Variants in PHF3 observed in about 807,000 individuals in gnomAD.
The protein encoded by PHF3 is PHD finger protein 3.
In PHF3, 41 loss-of-function variants were observed where a neutral mutation model predicts 178.4. The ratio of observed to expected loss-of-function variants is 0.23; its 90% confidence interval spans 0.18 to 0.30. The LOEUF (loss-of-function observed/expected upper bound fraction) is 0.30, where lower values mean the gene tolerates loss of function less well. PHF3 is among the 10% of genes least tolerant of loss of function. The pLI is 1.00. For synonymous variants in PHF3, 842 were observed against 800.5 expected, an observed-to-expected ratio of 1.05 and a Z score of -0.88; for missense variants, 2,346 against 2,398.1, an observed-to-expected ratio of 0.98 and a Z score of 0.45.
intron 2 of PHF3, among the ~76,000 whole-genome samples, chr6:63,659,070 C>T (rs954929414): frequency 6.6e-6 from 1 of 152,074 alleles, no homozygotes; most frequent in Non-Finnish European, 1.5e-5. Context: ...ACTTTCACAG[C>T]AGCATTTAGA....
intron 2 of PHF3, among the ~76,000 whole-genome samples, chr6:63,649,197 G>A (rs1002787073): frequency 6.6e-6 from 1 of 151,972 alleles, no homozygotes; most frequent in African/African-American, 2.4e-5. Context: ...TCCGGCCTAT[G>A]TCTCACAGAG....
chr6:63,671,079 G>T (rs1281799286), intron 2 of PHF3, among the ~76,000 whole-genome samples: 1 of 151,326 alleles, frequency 6.6e-6, no homozygotes, highest in Non-Finnish European at 1.5e-5. Context: ...ATAATAATGA[G>T]ATCCATATTA....
chr6:63,658,347 T>C (rs1437048398), intron 2 of PHF3, among the ~76,000 whole-genome samples: 1 of 152,196 alleles, frequency 6.6e-6, no homozygotes, highest in African/African-American at 2.4e-5. Context: ...TTGCTTTTGG[T>C]CTTCTTTTTA....
At chr6:63,683,091 C>G (rs1334177897) in intron 3 of PHF3, among the ~76,000 whole-genome samples, 1 of 151,984 alleles carries the variant, frequency 6.6e-6, no homozygotes, top group East Asian at 1.9e-4. Flanking sequence ...TAACCTAATA[C>G]TCAGATACTT....
At chr6:63,668,809 A>G (rs1457953143) in intron 2 of PHF3, among the ~76,000 whole-genome samples, 1 of 152,136 alleles carries the variant, frequency 6.6e-6, no homozygotes, top group Non-Finnish European at 1.5e-5. Context: ...TGTTACTGTT[A>G]TAGAGGCAGA....
intron 2 of PHF3, among the ~76,000 whole-genome samples, chr6:63,648,582 T>C (rs961616798): frequency 6.6e-6 from 1 of 152,220 alleles, no homozygotes; most frequent in African/African-American, 2.4e-5. Flanking sequence ...TTTTTATTAA[T>C]GTGAAAAATC....
At chr6:63,645,003 C>A (rs946168065) in intron 1 of PHF3, among the ~76,000 whole-genome samples, 1 of 151,950 alleles carries the variant, frequency 6.6e-6, no homozygotes, top group African/African-American at 2.4e-5. Context: ...AACTCAGCCG[C>A]CCGAGTGACT....
chr6:63,686,760 GTATAT>G (rs1372905241), intron 4 of PHF3, among the ~76,000 whole-genome samples: 1 of 152,170 alleles, frequency 6.6e-6, no homozygotes, highest in Non-Finnish European at 1.5e-5. Flanking sequence ...ATTATAATTT[GTATAT>G]TATATTCTTC....
At chr6:63,637,491 C>A (rs918450064) in intron 1 of PHF3, among the ~76,000 whole-genome samples, 1 of 152,176 alleles carries the variant, frequency 6.6e-6, no homozygotes, top group Non-Finnish European at 1.5e-5. Flanking sequence ...TAGCTCCCTT[C>A]CACAGCACAA....
chr6:63,706,720 A>G lies in PHF3; in HGVS notation c.3564-9A>G. ...GCTTGTCTTTAGGCTTTTTAATGTC[A>G]TTTTCTAGTCCAGAGATGCCTGGAA... On this transcript the variant is annotated splice_polypyrimidine_tract_variant and intron_variant, in intron 12 of 15. Coordinates refer to ENST00000262043, the MANE Select transcript of PHF3 (RefSeq NM_001370348.2). 3 of 1,611,596 alleles carry G rather than the reference A, an allele frequency of 1.9e-6. No homozygotes were observed. Among genetic ancestry groups the G allele is most frequent in the South Asian group, 1.1e-5 (1 of 90,612 alleles).
intron 8 of PHF3, among the ~76,000 whole-genome samples, chr6:63,698,996 C>T (rs1767356447): frequency 6.6e-6 from 1 of 151,964 alleles, no homozygotes; most frequent in African/African-American, 2.4e-5. Context: ...AGTAAAAATG[C>T]TTTTAAATTG....
At chr6:63,637,522 ATTG>A (rs1764394835) in intron 1 of PHF3, among the ~76,000 whole-genome samples, 1 of 152,196 alleles carries the variant, frequency 6.6e-6, no homozygotes. Flanking sequence ...TGTAAAGATT[ATTG>A]TTATTTTAAA....
intron 2 of PHF3, among the ~76,000 whole-genome samples, chr6:63,668,958 C>T (rs1203191976): frequency 6.6e-6 from 1 of 152,024 alleles, no homozygotes; most frequent in East Asian, 1.9e-4. Context: ...TTCAAAAAAG[C>T]ATGTGAAATA....
Position 63,698,226 on chromosome 6 carries a change from C to T in PHF3, c.2684C>T (p.Thr895Ile). 20 of 1,606,606 alleles carry T rather than the reference C, an allele frequency of 1.2e-5. No homozygotes were observed. Among genetic ancestry groups the T allele is most frequent in the Non-Finnish European group, 1.7e-5 (20 of 1,175,458 alleles). Residue 895 changes from threonine (T) to isoleucine (I), a missense_variant, in exon 7 of 16, where the codon ACT (threonine) becomes ATT (isoleucine). By Grantham distance (89) the Thr-to-Ile change is moderately conservative. Around this residue, in one of 8 missense-constraint regions of PHF3, gnomAD observed 252 missense variants for 232.0 expected, o/e 1.09. Coordinates refer to ENST00000262043, the MANE Select transcript of PHF3 (RefSeq NM_001370348.2). ...TTTCGATATTTATTCAAATTAGGTA[C>T]TCATGAGAAGCAAGAGATGAAAAAG... ...CTGEKASKPGTHEKQEMKKKK... is the reference protein window; with the variant it reads ...CTGEKASKPGIHEKQEMKKKK...
chr6:63,706,843 T>A lies in PHF3; in HGVS notation c.3678T>A (p.Tyr1226Ter). ...PSVAKFVTKA[Y>*]PVSGSPEYLT... ...TGGCAAAATTTGTTACCAAAGCCTA[T>A]CCAGTATCTGGCTCCCCAGAATACC... Residue 1226 changes from tyrosine (Y) to a stop codon, truncating the protein, a stop_gained, in exon 13 of 16, where the codon TAT becomes TAA. Coordinates refer to ENST00000262043, the MANE Select transcript of PHF3 (RefSeq NM_001370348.2). LOFTEE classifies it high-confidence loss of function. The A allele has an allele frequency of 6.2e-7, 1 of 1,614,048 alleles. No individual in the cohort carries two copies. The highest frequency in any genetic ancestry group is 8.5e-7 in the Non-Finnish European group (1 of 1,179,938).
intron 1 of PHF3, among the ~76,000 whole-genome samples, chr6:63,640,231 C>T (rs1764515096): frequency 6.6e-6 from 1 of 152,170 alleles, no homozygotes; most frequent in African/African-American, 2.4e-5. Context: ...AGTATTGTGT[C>T]ATACCACATG....
intron 1 of PHF3, among the ~76,000 whole-genome samples, chr6:63,638,414 TG>T (rs1347126863): frequency 1.3e-5 from 2 of 152,110 alleles, no homozygotes; most frequent in African/African-American, 4.8e-5. Context: ...CTTAACATGG[TG>T]GGATGGTGTT....
intron 14 of PHF3, 72 bp downstream of exon 14, chr6:63,709,312 C>A: frequency 9.8e-7 from 1 of 1,018,292 alleles, no homozygotes; most frequent in Non-Finnish European, 1.5e-6. Flanking sequence ...AATTCTTATG[C>A]AAGGGTGCAA....
rs1449863292 is a variant in PHF3 at position 63,721,611 on chromosome 6, T to G, written c.*7903T>G. On this transcript the variant is annotated 3_prime_UTR_variant, in exon 16 of 16. Coordinates refer to ENST00000262043, the MANE Select transcript of PHF3 (RefSeq NM_001370348.2). ...CAGAGAACTCATTTTAGTGGAGGCC[T>G]TTTCTGTTACATTTATCCCATCTAG... is the stretch of plus-strand genomic sequence containing the variant. 5 of 1,550,930 alleles carry G rather than the reference T, an allele frequency of 3.2e-6. No homozygotes were observed. The highest frequency in any genetic ancestry group is 4.4e-6 in the Non-Finnish European group (5 of 1,146,198).
Sources: gnomAD v4.1 joint callset for allele counts (sites outside exome capture counted in the v4.1 genomes callset) on GRCh38, gnomAD v4.1.1 for gene constraint, gnomAD v4.1.1 regional missense constraint, MANE v1.5 for transcripts, NCBI Gene and HGNC (gene_info 2026-07-23, HGNC 2026-07-21) for gene names.